The following LTV1 variants were observed in gnomAD, a reference collection of about 807,000 sequenced individuals.
LTV1 encodes LTV1 ribosome biogenesis factor, also known as protein LTV1 homolog.
LTV1 carries 39 observed loss-of-function variants against 59.9 expected under a neutral mutation model. That is an observed-to-expected ratio of 0.65 (90% CI 0.50 to 0.85). The LOEUF (loss-of-function observed/expected upper bound fraction) is 0.85. Ranked by LOEUF, LTV1 falls within the 40% of genes least tolerant of loss-of-function variation. The pLI, the probability that LTV1 is intolerant of heterozygous loss-of-function variation, is 0.00. For synonymous variants in LTV1, 171 were observed against 189.5 expected, an observed-to-expected ratio of 0.90 and a Z score of 0.80; for missense variants, 493 against 549.1, an observed-to-expected ratio of 0.90 and a Z score of 1.02.
intron 6 of LTV1, chr6:143,858,309 G>A (rs578066677): frequency 8.8e-5 from 25 of 285,254 alleles, no homozygotes; most frequent in Admixed American, 1.7e-4. Context: ...CTCAAATGAT[G>A]CCTCATTCAA....
Position 143,857,316 on chromosome 6 carries a change from T to C in LTV1, c.411T>C (p.Asp137=). Residue 137 remains aspartate (D), a synonymous_variant, in exon 5 of 11, where the codon GAT becomes GAC. Coordinates refer to ENST00000367576, the MANE Select transcript of LTV1 (RefSeq NM_032860.5). The surrounding 1 kb of genome is among the most constrained non-coding windows in gnomAD (Gnocchi z 5.2). ...TTTTCCTTCTAGGACCTCGACTGGA[T>C]TTTGATCCTGACATTGTTGCAGCTC... ...KAAPVSGPRL[D]FDPDIVAALD... The C allele has an allele frequency of 6.2e-7, 1 of 1,613,862 alleles. No homozygotes were observed. Among genetic ancestry groups the C allele is most frequent in the Non-Finnish European group, 8.5e-7 (1 of 1,179,752 alleles).
intron 3 of LTV1, among the ~76,000 whole-genome samples, chr6:143,849,896 G>T (rs1288330790): frequency 6.6e-6 from 1 of 152,158 alleles, no homozygotes; most frequent in African/African-American, 2.4e-5. Flanking sequence ...CCTCACTCCA[G>T]TCTGCTGTCA....
intron 1 of LTV1, 142 bp downstream of exon 1, chr6:143,843,622 A>C: frequency 9.6e-7 from 1 of 1,040,282 alleles, no homozygotes; most frequent in Non-Finnish European, 1.4e-6. Flanking sequence ...GAAATGGGCC[A>C]ACGTCACCAC....
intron 4 of LTV1, among the ~76,000 whole-genome samples, chr6:143,850,685 A>G (rs868149433): frequency 6.6e-6 from 1 of 152,216 alleles, no homozygotes; most frequent in East Asian, 1.9e-4. Flanking sequence ...AACAAACACA[A>G]AAGTCTACAG....
In LTV1 at chr6:143,860,489, A is replaced by T. The variant is rs1168401798; in HGVS notation, c.859A>T (p.Ile287Phe). The T allele has an allele frequency of 1.2e-6, 2 of 1,613,742 alleles. No homozygotes were observed. The highest frequency in any genetic ancestry group is 2.2e-5 in the South Asian group (2 of 91,068). The change falls in exon 7 of 11, where the codon ATT becomes TTT. Residue 287 changes from isoleucine (I) to phenylalanine (F), a missense_variant. Coordinates refer to ENST00000367576, the MANE Select transcript of LTV1 (RefSeq NM_032860.5). ...ALDNAELEGSIQVDSNRLQEV... is the reference protein window; with the variant it reads ...ALDNAELEGSFQVDSNRLQEV... Reference sequence around the variant, plus strand: ...GGATAATGCAGAATTGGAAGGTTCTATTCAAGTGGACAGCAATCGCTTACA... The same window carrying T: ...GGATAATGCAGAATTGGAAGGTTCTTTTCAAGTGGACAGCAATCGCTTACA...
At position 143,856,904 on chromosome 6, in the gene LTV1, ACAGG is replaced by A. The variant is rs1195504198; in HGVS notation, c.398-398_398-395del. Among the ~76,000 whole-genome samples, 3 of 152,234 alleles carry A rather than the reference ACAGG, an allele frequency of 2.0e-5. No individual in the cohort carries two copies. The East Asian group carries it at 5.8e-4, about 29-fold the overall frequency. ...GGGAGGTGTCTCCTAGGCAGGAGGC[ACAGG>A]GGTCAGGGACCCACTTGAGGAGGCA... is the stretch of plus-strand genomic sequence containing the variant. On this transcript the variant is annotated intron_variant, in intron 4 of 10. Coordinates refer to ENST00000367576, the MANE Select transcript of LTV1 (RefSeq NM_032860.5).
chr6:143,863,364 T>A lies in LTV1; in HGVS notation c.1318-53T>A. The stretch of plus-strand genomic sequence containing the variant: ...TTAGGGGAATTTTGTAAAAGCAGTC[T>A]GTATCAGTTTAAAGATGTGAATAAT... On this transcript the variant is annotated intron_variant, in intron 10 of 10. Transcript: ENST00000367576. This position sits in a 1 kb window ranked among gnomAD's most constrained non-coding sequence, Gnocchi z 4.5. The A allele has an allele frequency of 1.3e-6, 2 of 1,594,566 alleles. No homozygotes were observed. Among genetic ancestry groups the A allele is most frequent in the Non-Finnish European group, 1.7e-6 (2 of 1,164,218 alleles).
chr6:143,862,381 T>TC lies in LTV1; in HGVS notation c.1063+139dup. The TC allele has an allele frequency of 1.5e-6, 1 of 653,018 alleles. No individual in the cohort carries two copies. Among genetic ancestry groups the TC allele is most frequent in the East Asian group, 3.0e-5 (1 of 33,198 alleles). 40.5% of individuals were successfully genotyped at this position (653,018 alleles called of 1,614,324 possible). On this transcript the variant is annotated intron_variant, in intron 8 of 10. Transcript: ENST00000367576. This position sits in a 1 kb window ranked among gnomAD's most constrained non-coding sequence, Gnocchi z 4.2. ...GGGTGGGTCACCTGATGTCAGGAGT[T>TC]CAAGACCAGCCTGGCCAACATGGTG... is the stretch of plus-strand genomic sequence containing the variant.
At chr6:143,860,292 A>G in intron 6 of LTV1, 134 bp from the exon 7 acceptor site, 1 of 674,132 alleles carries the variant, frequency 1.5e-6, no homozygotes, top group Non-Finnish European at 2.4e-6. Context: ...CCCTACTGAT[A>G]TTTTAATGGT....
Position 143,862,162 on chromosome 6 carries a change from C to T in LTV1, c.982C>T (p.Leu328Phe). The T allele has an allele frequency of 1.2e-6, 2 of 1,613,762 alleles. No homozygotes were observed. The highest frequency in any genetic ancestry group is 1.3e-5 in the African/African-American group (1 of 74,972). ...LEDQDLPMNE[L>F]DESEEEEMIT... ...GGATCAAGACCTGCCAATGAATGAG[C>T]TTGATGAGTCTGAGGAGGAAGAAAT... The change falls in exon 8 of 11, where the codon CTT becomes TTT. Residue 328 changes from leucine (L) to phenylalanine (F), a missense_variant. Coordinates refer to ENST00000367576, the MANE Select transcript of LTV1 (RefSeq NM_032860.5). This position sits in a 1 kb window ranked among gnomAD's most constrained non-coding sequence, Gnocchi z 4.2.
In LTV1 at chr6:143,857,220, A is replaced by C; in HGVS notation, c.398-83A>C. On this transcript the variant is annotated intron_variant, in intron 4 of 10. Coordinates refer to ENST00000367576, the MANE Select transcript of LTV1 (RefSeq NM_032860.5). This position sits in a 1 kb window ranked among gnomAD's most constrained non-coding sequence, Gnocchi z 5.2. The stretch of plus-strand genomic sequence containing the variant: ...CTCAATATATTAATAGACTCTTGCT[A>C]TCATAGGTCCTTATATTGTGAGTTA... The C allele has an allele frequency of 1.3e-6, 2 of 1,505,290 alleles. No individual in the cohort carries two copies. Among genetic ancestry groups the C allele is most frequent in the Non-Finnish European group, 1.8e-6 (2 of 1,096,394 alleles). 93.2% of individuals were successfully genotyped at this position (1,505,290 alleles called of 1,614,324 possible). A position where few individuals can be genotyped will look rare whatever the true frequency, so the allele number is the denominator to read the frequency against.
intron 7 of LTV1, among the ~76,000 whole-genome samples, chr6:143,861,821 CT>C (rs1777168922): frequency 6.6e-6 from 1 of 152,046 alleles, no homozygotes; most frequent in Non-Finnish European, 1.5e-5. Flanking sequence ...ATGAGTTATG[CT>C]TTTTTAGGCT....
chr6:143,857,471 G>T lies in LTV1; in HGVS notation c.539+27G>T, dbSNP rs766066323. On this transcript the variant is annotated intron_variant, in intron 5 of 10. Coordinates refer to ENST00000367576, the MANE Select transcript of LTV1 (RefSeq NM_032860.5). This position sits in a 1 kb window ranked among gnomAD's most constrained non-coding sequence, Gnocchi z 5.2. ...TATGTGTGGTTTGTTTCAAAGCAGA[G>T]ATGATGACCTAAGTGTTACTGCTTC... The T allele has an allele frequency of 6.3e-7, 1 of 1,587,230 alleles. No individual in the cohort carries two copies. The highest frequency in any genetic ancestry group is 2.2e-5 in the East Asian group (1 of 44,754).
At chr6:143,856,165 C>T (rs1014466909) in intron 4 of LTV1, among the ~76,000 whole-genome samples, 2 of 152,132 alleles carry the variant, frequency 1.3e-5, no homozygotes, top group Non-Finnish European at 2.9e-5. Flanking sequence ...CTTGTCTTCA[C>T]GCTTTATTTC....
In LTV1 at chr6:143,863,466, AAAG is replaced by A. The variant is rs1777209341; in HGVS notation, c.1371_1373del (p.Arg458del). The A allele has an allele frequency of 6.2e-7, 1 of 1,613,968 alleles. No individual in the cohort carries two copies. The highest frequency in any genetic ancestry group is 8.5e-7 in the Non-Finnish European group (1 of 1,179,924). Reference sequence around the variant, plus strand: ...AACAAATTAGCATTTAAACTGGAGAAAAGAAGGCAAGAAAAAGAGCTGCTGAAC... The same window carrying A: ...AACAAATTAGCATTTAAACTGGAGAAAAGGCAAGAAAAAGAGCTGCTGAAC... On this transcript the variant is annotated inframe_deletion, in exon 11 of 11. Transcript: ENST00000367576. The surrounding 1 kb of genome is among the most constrained non-coding windows in gnomAD (Gnocchi z 4.5).
chr6:143,854,708 G>A (rs532415657), intron 4 of LTV1, among the ~76,000 whole-genome samples: 9 of 152,196 alleles, frequency 5.9e-5, no homozygotes, highest in Middle Eastern at 6.8e-3. Context: ...TATTTACCCC[G>A]TAGGCATTCA....
Position 143,863,079 on chromosome 6 carries a change from A to C in LTV1, c.1117-7A>C. ...GTAACTCTAGTACCATTTTATCTGT[A>C]TTTCAGCCCAAACAAATTCGAATAT... On this transcript the variant is annotated splice_polypyrimidine_tract_variant and splice_region_variant and intron_variant, in intron 9 of 10. Coordinates refer to ENST00000367576, the MANE Select transcript of LTV1 (RefSeq NM_032860.5). This position sits in a 1 kb window ranked among gnomAD's most constrained non-coding sequence, Gnocchi z 4.5. 1 of 1,611,202 alleles carries C rather than the reference A, an allele frequency of 6.2e-7. No individual in the cohort carries two copies. The highest frequency in any genetic ancestry group is 8.5e-7 in the Non-Finnish European group (1 of 1,177,530).
intron 7 of LTV1, among the ~76,000 whole-genome samples, chr6:143,860,983 G>A (rs1192847061): frequency 3.3e-5 from 5 of 150,916 alleles, no homozygotes; most frequent in East Asian, 2.0e-4. Flanking sequence ...TGCAACCTCC[G>A]CCTCCCAGGT....
chr6:143,850,203 G>T lies in LTV1; in HGVS notation c.382G>T (p.Ala128Ser), dbSNP rs1776960344. The change falls in exon 4 of 11, where the codon GCA becomes TCA. Residue 128 changes from alanine (A) to serine (S), a missense_variant. Ala to Ser is a moderately conservative substitution (Grantham distance 99). Transcript: ENST00000367576. ...FEEDVGLLNK[A>S]APVSGPRLDF... ...GGAAGATGTTGGATTGTTAAATAAA[G>T]CAGCTCCAGTTTCAGGTATTTTTAA... 5 of 1,612,850 alleles carry T rather than the reference G, an allele frequency of 3.1e-6. No homozygotes were observed. In the East Asian group the frequency reaches 1.1e-4, roughly 36 times the overall value.
Sources: gnomAD v4.1 joint callset for allele counts (sites outside exome capture counted in the v4.1 genomes callset) on GRCh38, gnomAD v4.1.1 for gene constraint, Gnocchi (gnomAD v3.1) non-coding constraint, MANE v1.5 for transcripts, NCBI Gene and HGNC (gene_info 2026-07-23, HGNC 2026-07-21) for gene names.